SORCS2: variants seen among roughly 807,000 people sequenced by gnomAD.
SORCS2 encodes VPS10 domain-containing receptor SorCS2.
In SORCS2, 100 loss-of-function variants were observed where a neutral mutation model predicts 141.6. That is an observed-to-expected ratio of 0.71 (90% CI 0.60 to 0.83). The LOEUF is 0.83. Ranked by LOEUF, SORCS2 falls within the 40% of genes least tolerant of loss-of-function variation. SORCS2 has a pLI of 0.00. For missense variants in SORCS2, 1,646 were observed against 1,560.2 expected (o/e 1.05, Z -0.93); for synonymous variants, 789 against 676.9 (o/e 1.17, Z -2.57).
intron 2 of SORCS2, among the ~76,000 whole-genome samples, chr4:7,412,822 G>T (rs1227079258): frequency 6.6e-6 from 1 of 151,780 alleles, no homozygotes; most frequent in East Asian, 1.9e-4. Context: ...TCCCACCCAG[G>T]CTGGGTCTTG....
At chr4:7,373,417 G>T (rs1384685737) in intron 1 of SORCS2, among the ~76,000 whole-genome samples, 4 of 130,160 alleles carry the variant, frequency 3.1e-5, no homozygotes, top group Admixed American at 1.6e-4. Context: ...TCATTTTATA[G>T]TACGTTGTTT....
Position 7,382,333 on chromosome 4 carries a change from G to A in SORCS2, c.481-13955G>A, listed in dbSNP as rs180772761. Among the ~76,000 whole-genome samples, 284 of 152,232 alleles carry A rather than the reference G, an allele frequency of 1.9e-3. 1 individual carries two copies. Among genetic ancestry groups the A allele is most frequent in the Non-Finnish European group, 3.2e-3 (215 of 68,008 alleles). On this transcript the variant is annotated intron_variant, in intron 1 of 26. Coordinates refer to ENST00000507866, the MANE Select transcript of SORCS2 (RefSeq NM_020777.3). ...GAGTGACATTGCCATCATCCTCACT[G>A]GTATTTATATAACATCCCTGGTTGT...
chr4:7,324,676 C>A (rs1461202277), intron 1 of SORCS2, among the ~76,000 whole-genome samples: 1 of 152,188 alleles, frequency 6.6e-6, no homozygotes, highest in African/African-American at 2.4e-5. Flanking sequence ...TGCCAGGAGA[C>A]CTCCTCCACC....
intron 1 of SORCS2, among the ~76,000 whole-genome samples, chr4:7,297,106 C>G (rs1042897749): frequency 2.0e-5 from 3 of 152,158 alleles, no homozygotes; most frequent in Non-Finnish European, 4.4e-5. Flanking sequence ...CTCCCCACCT[C>G]CCCTGGATGC....
chr4:7,622,355 G>T (rs1010223091), intron 3 of SORCS2, among the ~76,000 whole-genome samples: 6 of 152,230 alleles, frequency 3.9e-5, no homozygotes, highest in African/African-American at 1.4e-4. Flanking sequence ...CTTTTATTCT[G>T]TGCCTTGCAG....
At chr4:7,672,808 A>T (rs867828312) in intron 8 of SORCS2, among the ~76,000 whole-genome samples, 7 of 152,180 alleles carry the variant, frequency 4.6e-5, no homozygotes, top group African/African-American at 1.7e-4. Context: ...TTGCAACTAC[A>T]TGTGGTCATG....
At chr4:7,207,404 C>T (rs1036261726) in intron 1 of SORCS2, among the ~76,000 whole-genome samples, 2 of 152,212 alleles carry the variant, frequency 1.3e-5, no homozygotes, top group African/African-American at 2.4e-5. Flanking sequence ...GTTCACCCAG[C>T]GCCTGGCCAG....
intron 1 of SORCS2, among the ~76,000 whole-genome samples, chr4:7,242,949 C>T (rs1048005164): frequency 2.0e-5 from 3 of 152,224 alleles, no homozygotes; most frequent in Admixed American, 6.5e-5. Context: ...GGCACTGGGG[C>T]GCCCATGGTG....
At chr4:7,360,783 C>T (rs1161274091) in intron 1 of SORCS2, among the ~76,000 whole-genome samples, 1 of 151,512 alleles carries the variant, frequency 6.6e-6, no homozygotes, top group African/African-American at 2.4e-5. Context: ...CGGGGTTTCA[C>T]CATGTTGCCA....
At chr4:7,355,437 G>T (rs1161146439) in intron 1 of SORCS2, among the ~76,000 whole-genome samples, 6 of 152,186 alleles carry the variant, frequency 3.9e-5, no homozygotes, top group Non-Finnish European at 5.9e-5. Flanking sequence ...AATGGCTTAT[G>T]CTATAAATAT....
rs12499510 is a variant in SORCS2, at chr4:7,734,872, G to A, written c.3311+498G>A. Reference sequence around the variant, plus strand: ...GCTGAGCTTCCTGCCAGGCGCTCCCGTGGGGAGGGCTCTGGGTGTCCCCGT... The same window carrying A: ...GCTGAGCTTCCTGCCAGGCGCTCCCATGGGGAGGGCTCTGGGTGTCCCCGT... On this transcript the variant is annotated intron_variant, in intron 25 of 26. Coordinates refer to ENST00000507866, the MANE Select transcript of SORCS2 (RefSeq NM_020777.3). 8.9e-3 allele frequency among the ~76,000 whole-genome samples: 1,362 copies of A among 152,332 alleles called. 7 individuals carry two copies. Among genetic ancestry groups the A allele is most frequent in the Middle Eastern group, 0.02 (6 of 294 alleles).
intron 6 of SORCS2, among the ~76,000 whole-genome samples, chr4:7,662,760 C>G (rs1016314546): frequency 6.6e-6 from 1 of 152,214 alleles, no homozygotes; most frequent in Non-Finnish European, 1.5e-5. Context: ...CCAATTTCAT[C>G]TAGGTGGCTC....
At chr4:7,317,892 G>A (rs952640172) in intron 1 of SORCS2, among the ~76,000 whole-genome samples, 1 of 152,074 alleles carries the variant, frequency 6.6e-6, no homozygotes, top group African/African-American at 2.4e-5. Flanking sequence ...ATTGAACGCT[G>A]AGCAGGCGCC....
chr4:7,551,950 C>CGTTGCCT (rs1340191503), intron 3 of SORCS2, among the ~76,000 whole-genome samples: 3 of 152,312 alleles, frequency 2.0e-5, no homozygotes, highest in African/African-American at 7.2e-5. Context: ...TAATCGGCAG[C>CGTTGCCT]GTTGCCTGCT....
chr4:7,283,986 G>C (rs191825735), intron 1 of SORCS2, among the ~76,000 whole-genome samples: 23 of 152,258 alleles, frequency 1.5e-4, no homozygotes, highest in Admixed American at 1.4e-3. Flanking sequence ...TGGCAGCCCT[G>C]ATGGGATCAC....
intron 18 of SORCS2, 131 bp downstream of exon 18, chr4:7,718,314 G>C: frequency 8.6e-6 from 9 of 1,043,216 alleles, no homozygotes; most frequent in Middle Eastern, 3.0e-4. Context: ...CAGCCAGCCT[G>C]TCCAGACTGA....
chr4:7,615,600 G>A (rs1405621403), intron 3 of SORCS2, among the ~76,000 whole-genome samples: 1 of 152,196 alleles, frequency 6.6e-6, no homozygotes, highest in Admixed American at 6.5e-5. Flanking sequence ...GTGTTCCTGT[G>A]CCTGCCCGTG....
Position 7,723,816 on chromosome 4 carries a change from C to T in SORCS2, c.2544C>T (p.Tyr848=). The T allele has an allele frequency of 4.3e-6, 7 of 1,613,560 alleles. No individual in the cohort carries two copies. Among genetic ancestry groups the T allele is most frequent in the East Asian group, 2.2e-5 (1 of 44,878 alleles). Residue 848 remains tyrosine, a synonymous_variant, in exon 19 of 27, where the codon TAC becomes TAT. Coordinates refer to ENST00000507866, the MANE Select transcript of SORCS2 (RefSeq NM_020777.3). Reference sequence around the variant, plus strand: ...ACCGCTACGAGAGCCCCGGCATCTACCGCGTGTCCGTCAGGGCAGAGAACA... The same window carrying T: ...ACCGCTACGAGAGCCCCGGCATCTATCGCGTGTCCGTCAGGGCAGAGAACA... The part of the protein sequence containing the change: ...IRHRYESPGI[Y]RVSVRAENTA...
chr4:7,661,794 C>T (rs1244413248), intron 6 of SORCS2, among the ~76,000 whole-genome samples: 2 of 152,218 alleles, frequency 1.3e-5, no homozygotes, highest in East Asian at 1.9e-4. Context: ...GCGATTTGTT[C>T]TGGCTCCTGA....
Sources: gnomAD v4.1 joint callset for allele counts (sites outside exome capture counted in the v4.1 genomes callset) on GRCh38, gnomAD v4.1.1 for gene constraint, MANE v1.5 for transcripts, NCBI Gene and HGNC (gene_info 2026-07-23, HGNC 2026-07-21) for gene names.